NRP1: variants seen among roughly 807,000 people sequenced by gnomAD.
NRP1 encodes the protein neuropilin 1.
NRP1 carries 35 observed loss-of-function variants against 106.7 expected under a neutral mutation model. The observed-to-expected ratio is 0.33, with a 90% confidence interval of 0.25 to 0.43. The LOEUF (loss-of-function observed/expected upper bound fraction) is 0.43, where lower values mean the gene tolerates loss of function less well. Ranked by LOEUF, NRP1 falls within the 20% of genes least tolerant of loss-of-function variation. The pLI is 1.00. For missense variants in NRP1, 1,024 were observed against 1,170.4 expected (o/e 0.87, Z 1.83); for synonymous variants, 437 against 417.9 (o/e 1.05, Z -0.56).
chr10:33,209,335 T>C (rs1838087823), intron 9 of NRP1, among the ~76,000 whole-genome samples: 1 of 152,128 alleles, frequency 6.6e-6, no homozygotes, highest in South Asian at 2.1e-4. Flanking sequence ...AGGCACAGAG[T>C]AGTCAAATCA....
rs143090401 is a variant in NRP1 at position 33,271,532 on chromosome 10, C to A, written c.249-676G>T. 4.6e-5 allele frequency among the ~76,000 whole-genome samples: 7 copies of A among 152,206 alleles called. No homozygotes were observed. In the East Asian group the frequency reaches 1.3e-3, roughly 29 times the overall value. ...AAATGGAAAATAACTTTGTTTATACCCACTAGTCTGAATATTTAAAGGAAT... is the reference window on the plus strand; with the variant it reads ...AAATGGAAAATAACTTTGTTTATACACACTAGTCTGAATATTTAAAGGAAT... On this transcript the variant is annotated intron_variant, in intron 2 of 16. Coordinates refer to ENST00000374867, the MANE Select transcript of NRP1 (RefSeq NM_003873.7).
intron 2 of NRP1, among the ~76,000 whole-genome samples, chr10:33,293,663 G>A (rs950404241): frequency 6.6e-6 from 1 of 152,196 alleles, no homozygotes; most frequent in African/African-American, 2.4e-5. Flanking sequence ...ATTCAGCAAA[G>A]AGGGGAGAGA....
intron 11 of NRP1, among the ~76,000 whole-genome samples, chr10:33,198,020 A>G (rs1139169): frequency 0.24 from 35,610 of 150,678 alleles, 4,835 homozygotes; most frequent in East Asian, 0.61. Flanking sequence ...ACTTAGTGGA[A>G]TGGCTAAATC....
chr10:33,250,458 G>T (rs780676903), intron 6 of NRP1, among the ~76,000 whole-genome samples: 9 of 152,236 alleles, frequency 5.9e-5, no homozygotes, highest in Non-Finnish European at 1.3e-4. Flanking sequence ...CTTTCAGAGG[G>T]ATGGAGCAGC....
At chr10:33,223,190 G>A (rs1035708401) in intron 7 of NRP1, among the ~76,000 whole-genome samples, 5 of 152,162 alleles carry the variant, frequency 3.3e-5, no homozygotes, top group Admixed American at 3.3e-4. Flanking sequence ...CATCTTTCCA[G>A]GTGAGGACAT....
At chr10:33,245,542 G>A (rs565315101) in intron 6 of NRP1, among the ~76,000 whole-genome samples, 2 of 152,356 alleles carry the variant, frequency 1.3e-5, no homozygotes, top group African/African-American at 2.4e-5. Context: ...CAGCAAATAA[G>A]TAGGGATAGG....
chr10:33,332,581 A>T (rs976781166), intron 1 of NRP1, among the ~76,000 whole-genome samples: 1 of 152,324 alleles, frequency 6.6e-6, no homozygotes, highest in East Asian at 1.9e-4. Flanking sequence ...TGACAGTGTA[A>T]TAAGATAATG....
chr10:33,244,429 T>C (rs1841264420), intron 6 of NRP1, among the ~76,000 whole-genome samples: 1 of 152,218 alleles, frequency 6.6e-6, no homozygotes, highest in Admixed American at 6.5e-5. Flanking sequence ...ATAAAATCTG[T>C]GCATGTTATG....
At chr10:33,262,595 C>A (rs572823267) in intron 4 of NRP1, among the ~76,000 whole-genome samples, 45 of 149,976 alleles carry the variant, frequency 3.0e-4, no homozygotes, top group Admixed American at 1.7e-3. Flanking sequence ...CCCAGCTACT[C>A]GGGAGGCTGA....
At chr10:33,194,876 G>A in intron 12 of NRP1, 1 of 430,716 alleles carries the variant, frequency 2.3e-6, no homozygotes, top group Admixed American at 3.1e-5. Context: ...GAGAGAAAAG[G>A]AGAGAAAAAA....
At chr10:33,282,115 T>C (rs920789997) in intron 2 of NRP1, among the ~76,000 whole-genome samples, 1 of 143,470 alleles carries the variant, frequency 7.0e-6, no homozygotes, top group Admixed American at 7.2e-5. Context: ...GCAATTTATA[T>C]ATACCATAGT....
At chr10:33,198,407 G>T (rs1836964943) in intron 11 of NRP1, among the ~76,000 whole-genome samples, 1 of 151,986 alleles carries the variant, frequency 6.6e-6, no homozygotes, top group Non-Finnish European at 1.5e-5. Context: ...CTCCCAAAGT[G>T]CTAGGATTAC....
intron 7 of NRP1, among the ~76,000 whole-genome samples, chr10:33,223,174 C>T (rs897879294): frequency 6.6e-6 from 1 of 152,288 alleles, no homozygotes; most frequent in South Asian, 2.1e-4. Context: ...CATGCAGCTT[C>T]CTCCCCATCT....
intron 2 of NRP1, among the ~76,000 whole-genome samples, chr10:33,314,082 CCTCT>C (rs1400158611): frequency 2.3e-5 from 3 of 131,000 alleles, no homozygotes; most frequent in Admixed American, 7.7e-5. Flanking sequence ...CTCCCTCCCT[CCTCT>C]CTCTCTCTCT....
intron 6 of NRP1, among the ~76,000 whole-genome samples, chr10:33,227,749 T>A (rs12411679): frequency 0.37 from 56,556 of 151,868 alleles, 10,663 homozygotes; most frequent in East Asian, 0.63. Context: ...AGGGTCTGTG[T>A]TTTCATCCCA....
At chr10:33,210,832 A>G (rs1412975757) in intron 9 of NRP1, among the ~76,000 whole-genome samples, 3 of 152,236 alleles carry the variant, frequency 2.0e-5, no homozygotes, top group Non-Finnish European at 4.4e-5. Context: ...TCACTTGTAA[A>G]ATTAAATATA....
intron 13 of NRP1, among the ~76,000 whole-genome samples, chr10:33,189,835 C>T (rs572365407): frequency 6.6e-6 from 1 of 152,208 alleles, no homozygotes; most frequent in African/African-American, 2.4e-5. Context: ...TCAGTCTATG[C>T]GCGGGAGCTT....
rs1843239222 is a variant in NRP1, at chr10:33,270,619, A to C, written c.430+56T>G. On this transcript the variant is annotated intron_variant, in intron 3 of 16. Coordinates refer to ENST00000374867, the MANE Select transcript of NRP1 (RefSeq NM_003873.7). ...TGAGATTACAGGGGTGAGCCACCAC[A>C]CTCGGCCTAAATGAACTCTTAGTCA... is the stretch of plus-strand genomic sequence containing the variant. 6 of 1,472,452 alleles carry C rather than the reference A, an allele frequency of 4.1e-6. 1 individual carries two copies. The South Asian group carries it at 8.3e-5, about 20-fold the overall frequency. The allele number at this position is 1,472,452 out of a possible 1,614,324, so 91.2% of individuals were successfully genotyped here.
intron 10 of NRP1, 72 bp downstream of exon 10, chr10:33,207,500 C>T (rs763054531): frequency 4.8e-5 from 74 of 1,556,456 alleles, no homozygotes; most frequent in Non-Finnish European, 6.3e-5. Flanking sequence ...GCAAAGGCAC[C>T]ATCAGGGGCA....
Sources: allele counts gnomAD v4.1 joint callset (sites outside exome capture counted in the v4.1 genomes callset), GRCh38; gene constraint gnomAD v4.1.1; transcripts MANE v1.5; gene names NCBI Gene and HGNC (gene_info 2026-07-23, HGNC 2026-07-21).